OPN3: variants seen among roughly 807,000 people sequenced by gnomAD.
OPN3 encodes the protein opsin 3, also known as opsin-3.
OPN3 carries 29 observed loss-of-function variants against 33.8 expected under a neutral mutation model. The ratio of observed to expected loss-of-function variants is 0.86; its 90% CI spans 0.64 to 1.17. The LOEUF (loss-of-function observed/expected upper bound fraction) is 1.17, where lower values mean the gene tolerates loss of function less well. Ranked by LOEUF, OPN3 falls within the 50% of genes most tolerant of loss-of-function variation. The probability of loss-of-function intolerance (pLI) is 0.00; values close to 1 mark genes in which losing one functional copy is unlikely to be tolerated. For missense variants in OPN3, 437 were observed against 514.1 expected (o/e 0.85, Z 1.45); for synonymous variants, 216 against 216.1 (o/e 1.00, Z 0.00).
chr1:241,599,001 T>C (rs1355118741), intron 2 of OPN3, among the ~76,000 whole-genome samples: 2 of 152,124 alleles, frequency 1.3e-5, no homozygotes, highest in African/African-American at 4.8e-5. Flanking sequence ...ATCATAAAAA[T>C]TAAGAGAAAG....
At chr1:241,599,439 A>G (rs993143435) in intron 2 of OPN3, among the ~76,000 whole-genome samples, 2 of 152,266 alleles carry the variant, frequency 1.3e-5, no homozygotes, top group Non-Finnish European at 2.9e-5. Flanking sequence ...TTATTTAGGA[A>G]CATATTTTTG....
Position 241,639,890 on chromosome 1 carries a change from C to T in OPN3, c.365G>A (p.Ser122Asn). 1.3e-6 allele frequency: 2 copies of T among 1,577,042 alleles called. No individual in the cohort carries two copies. Among genetic ancestry groups the T allele is most frequent in the Non-Finnish European group, 1.7e-6 (2 of 1,161,014 alleles). ...VGCVWDGFSG[S>N]LFGIVSIATL... ...CTCCCAGTCCAACTCACCGAAGAGG[C>T]TGCCGCTAAACCCGTCCCACACGCA... The change falls in exon 1 of 4, where the codon AGC becomes AAC. Residue 122 changes from serine to asparagine, a missense_variant. Transcript: ENST00000366554.
chr1:241,634,349 T>G lies in OPN3; in HGVS notation c.373+5533A>C. The G allele has an allele frequency of 3.1e-6, 5 of 1,614,010 alleles. No individual in the cohort carries two copies. The African/African-American group carries it at 5.3e-5, about 17-fold the overall frequency. ...TGGAGGAACTATCAGAATGGAAGTC[T>G]GCTGATCTAAATCTGTCTTTAGTAT... On this transcript the variant is annotated intron_variant, in intron 1 of 3. Coordinates refer to ENST00000366554, the MANE Select transcript of OPN3 (RefSeq NM_014322.3).
In OPN3 at chr1:241,598,180, C is replaced by T. The variant is rs114276893; in HGVS notation, c.694-183G>A. On this transcript the variant is annotated intron_variant, in intron 2 of 3. Coordinates refer to ENST00000366554, the MANE Select transcript of OPN3 (RefSeq NM_014322.3). ...TAGCTGAGTCCAGCTTTAACCTTGC[C>T]GGGCCTCAGTCTCCCCACTTACAAC... 2.1e-3 allele frequency among the ~76,000 whole-genome samples: 314 copies of T among 152,204 alleles called. 1 individual carries two copies. Among genetic ancestry groups the T allele is most frequent in the African/African-American group, 6.9e-3 (287 of 41,530 alleles).
intron 2 of OPN3, among the ~76,000 whole-genome samples, chr1:241,599,025 A>G (rs1663613530): frequency 6.6e-6 from 1 of 152,172 alleles, no homozygotes; most frequent in South Asian, 2.1e-4. Context: ...TTCCAAAGAA[A>G]TCATTTAGAA....
intron 2 of OPN3, chr1:241,600,807 T>G (rs1470470112): frequency 6.6e-6 from 1 of 152,036 alleles, no homozygotes; most frequent in Non-Finnish European, 1.5e-5. Context: ...ACTGATTACC[T>G]ACTACATGCA....
At chr1:241,634,250 T>A in intron 1 of OPN3, 1 of 1,613,966 alleles carries the variant, frequency 6.2e-7, no homozygotes. Context: ...ATGTACCAGA[T>A]AGGTGTCCTT....
At chr1:241,595,939 A>G (rs1305208057) in intron 3 of OPN3, among the ~76,000 whole-genome samples, 1 of 152,252 alleles carries the variant, frequency 6.6e-6, no homozygotes, top group Non-Finnish European at 1.5e-5. Flanking sequence ...CTTTGAGGAC[A>G]AGGACCGTTG....
In OPN3 at chr1:241,593,534, A is replaced by C. The variant is rs1026533029; in HGVS notation, c.*894T>G. Reference sequence around the variant, plus strand: ...TAATCCATGTTCAGTTTGTAGGGAAAGAAAAAATAATTTTTCCTTCTACCC... The same window carrying C: ...TAATCCATGTTCAGTTTGTAGGGAACGAAAAAATAATTTTTCCTTCTACCC... On this transcript the variant is annotated 3_prime_UTR_variant, in exon 4 of 4. Coordinates refer to ENST00000366554, the MANE Select transcript of OPN3 (RefSeq NM_014322.3). 8 of 258,078 alleles carry C rather than the reference A, an allele frequency of 3.1e-5. No individual in the cohort carries two copies. Among genetic ancestry groups the C allele is most frequent in the African/African-American group, 1.7e-4 (8 of 45,948 alleles). The allele number at this position is 258,078 out of a possible 1,614,324, so 16.0% of individuals were successfully genotyped here.
chr1:241,636,382 A>G (rs1197122161), intron 1 of OPN3, among the ~76,000 whole-genome samples: 1 of 152,232 alleles, frequency 6.6e-6, no homozygotes, highest in Non-Finnish European at 1.5e-5. Context: ...ATGTGAATAA[A>G]TCTATACACA....
At position 241,634,435 on chromosome 1, in the gene OPN3, T is replaced by C. The variant is rs191276616; in HGVS notation, c.373+5447A>G. Reference sequence around the variant, plus strand: ...GCTTATACTGCACATTTGAGCATGTTTCCTCAGAAAGGTAACTGTCTTCCA... The same window carrying C: ...GCTTATACTGCACATTTGAGCATGTCTCCTCAGAAAGGTAACTGTCTTCCA... On this transcript the variant is annotated intron_variant, in intron 1 of 3. Transcript: ENST00000366554. 2.1e-4 allele frequency: 331 copies of C among 1,613,806 alleles called. 3 individuals carry two copies. In the East Asian group the frequency reaches 7.2e-3, roughly 35 times the overall value.
chr1:241,630,883 C>A (rs1219734725), intron 1 of OPN3: 1 of 152,026 alleles, frequency 6.6e-6, no homozygotes, highest in Non-Finnish European at 1.5e-5. Flanking sequence ...TAACACCAGC[C>A]TTATAATCCT....
intron 2 of OPN3, among the ~76,000 whole-genome samples, chr1:241,602,297 G>A (rs1005039771): frequency 1.3e-5 from 2 of 152,188 alleles, no homozygotes; most frequent in African/African-American, 2.4e-5. Flanking sequence ...AGTCTCAAAC[G>A]CTGAGGATGC....
chr1:241,628,004 G>C (rs1296117953), intron 1 of OPN3, among the ~76,000 whole-genome samples: 4 of 152,092 alleles, frequency 2.6e-5, no homozygotes, highest in African/African-American at 9.7e-5. Flanking sequence ...CCAGGCAAAA[G>C]AAAAAGTTTC....
chr1:241,609,613 A>G (rs1663934411), intron 1 of OPN3, among the ~76,000 whole-genome samples: 1 of 152,258 alleles, frequency 6.6e-6, no homozygotes, highest in Non-Finnish European at 1.5e-5. Flanking sequence ...ATTACAGAAC[A>G]ATGTAAGATG....
At chr1:241,610,836 C>T (rs1285929923) in intron 1 of OPN3, among the ~76,000 whole-genome samples, 1 of 152,116 alleles carries the variant, frequency 6.6e-6, no homozygotes, top group Non-Finnish European at 1.5e-5. Context: ...CACATAATTA[C>T]TCTGTGACCA....
chr1:241,634,809 A>C (rs1316531926), intron 1 of OPN3: 3 of 1,613,644 alleles, frequency 1.9e-6, no homozygotes, highest in South Asian at 1.1e-5. Context: ...GAAAATGAAC[A>C]CTGCCTGAAA....
At chr1:241,631,256 A>G (rs1664623416) in intron 1 of OPN3, 1 of 152,022 alleles carries the variant, frequency 6.6e-6, no homozygotes, top group Non-Finnish European at 1.5e-5. Context: ...ATTTTCGACT[A>G]ATTTTTCCTA....
At position 241,634,503 on chromosome 1, in the gene OPN3, T is replaced by C. The variant is rs780997451; in HGVS notation, c.373+5379A>G. 3.7e-6 allele frequency: 6 copies of C among 1,613,808 alleles called. No individual in the cohort carries two copies. In the South Asian group the frequency reaches 4.4e-5, roughly 12 times the overall value. Reference sequence around the variant, plus strand: ...TTTATTCTTTGACCAAAGTGATCTATAATTGCTTTACATCGTCCAGATTCT... The same window carrying C: ...TTTATTCTTTGACCAAAGTGATCTACAATTGCTTTACATCGTCCAGATTCT... On this transcript the variant is annotated intron_variant, in intron 1 of 3. Transcript: ENST00000366554.
Sources: allele counts gnomAD v4.1 joint callset (sites outside exome capture counted in the v4.1 genomes callset), GRCh38; gene constraint gnomAD v4.1.1; transcripts MANE v1.5; gene names NCBI Gene and HGNC (gene_info 2026-07-23, HGNC 2026-07-21).